NME9: variants seen among roughly 807,000 people sequenced by gnomAD.
NME9 encodes the protein thioredoxin domain-containing protein 6.
A neutral mutation model predicts 44.4 loss-of-function variants in NME9; 48 were observed. That is an observed-to-expected ratio of 1.08 (90% CI 0.86 to 1.37). The LOEUF is 1.37. Among genes scored for constraint, NME9 ranks in the 40% most tolerant of loss-of-function variants. The probability of loss-of-function intolerance (pLI) is 0.00; values close to 1 mark genes in which losing one functional copy is unlikely to be tolerated. For missense variants in NME9, 325 were observed against 405.2 expected, an observed-to-expected ratio of 0.80 and a Z score of 1.70; for synonymous variants, 139 against 147.1, an observed-to-expected ratio of 0.94 and a Z score of 0.40.
At chr3:138,263,384 C>G in intron 8 of NME9, 1 of 226,760 alleles carries the variant, frequency 4.4e-6, no homozygotes, top group Non-Finnish European at 8.8e-6. Flanking sequence ...GAACCTCACT[C>G]TGGAAGGAAC....
intron 8 of NME9, chr3:138,263,980 C>A: frequency 1.1e-6 from 1 of 930,922 alleles, no homozygotes; most frequent in Non-Finnish European, 1.7e-6. Context: ...GAGAGCCTGG[C>A]CTCCAAACCC....
At chr3:138,283,306 A>G (rs1343575615) in intron 8 of NME9, among the ~76,000 whole-genome samples, 1 of 152,208 alleles carries the variant, frequency 6.6e-6, no homozygotes, top group Non-Finnish European at 1.5e-5. Flanking sequence ...TTGCAAAGAA[A>G]AAGTTTAAAA....
chr3:138,320,291 C>A (rs915779925), intron 2 of NME9, among the ~76,000 whole-genome samples: 1 of 152,166 alleles, frequency 6.6e-6, no homozygotes, highest in African/African-American at 2.4e-5. Context: ...ACCTGCCCCA[C>A]GCGACCATGA....
chr3:138,318,017 T>C (rs2053204076), intron 4 of NME9, 131 bp downstream of exon 4: 1 of 674,542 alleles, frequency 1.5e-6, no homozygotes, highest in Non-Finnish European at 2.7e-6. Context: ...CATCACTTGT[T>C]TGAATCTGTG....
chr3:138,299,279 C>T (rs1475435664), downstream of NME9, among the ~76,000 whole-genome samples: 3 of 152,126 alleles, frequency 2.0e-5, no homozygotes, highest in Admixed American at 6.5e-5. Flanking sequence ...ATCTCTGCAG[C>T]CCCTGGCTCC....
chr3:138,282,285 G>T (rs1024819035), intron 8 of NME9, among the ~76,000 whole-genome samples: 5 of 152,150 alleles, frequency 3.3e-5, no homozygotes, highest in Non-Finnish European at 7.3e-5. Context: ...AAGGAATGTG[G>T]TATTGTGAGT....
intron 6 of NME9, among the ~76,000 whole-genome samples, chr3:138,307,019 G>A (rs2052322592): frequency 6.6e-6 from 1 of 152,096 alleles, no homozygotes. Flanking sequence ...TCCCTTTCCT[G>A]CCATGTGGCT....
At chr3:138,285,278 C>T (rs2108362231) in intron 8 of NME9, among the ~76,000 whole-genome samples, 1 of 152,318 alleles carries the variant, frequency 6.6e-6, no homozygotes, top group South Asian at 2.1e-4. Flanking sequence ...TTAGTGATGA[C>T]CTCAGCTTTT....
At chr3:138,316,926 C>T (rs960112151) in intron 4 of NME9, among the ~76,000 whole-genome samples, 1 of 152,156 alleles carries the variant, frequency 6.6e-6, no homozygotes, top group South Asian at 2.1e-4. Flanking sequence ...AAAGTCTCTA[C>T]GTTTGTACTC....
intron 2 of NME9, among the ~76,000 whole-genome samples, chr3:138,320,483 C>T (rs2053395767): frequency 6.6e-6 from 1 of 152,204 alleles, no homozygotes; most frequent in African/African-American, 2.4e-5. Flanking sequence ...AATTGATTAG[C>T]TCTGCCAATT....
intron 8 of NME9, among the ~76,000 whole-genome samples, chr3:138,280,477 CT>C (rs369199976): frequency 2.3e-3 from 336 of 148,818 alleles, no homozygotes; most frequent in Non-Finnish European, 3.6e-3. Flanking sequence ...ACCACCATGC[CT>C]GGTTACTTTC....
At chr3:138,275,670 G>A (rs1038312395) in intron 8 of NME9, among the ~76,000 whole-genome samples, 6 of 152,186 alleles carry the variant, frequency 3.9e-5, no homozygotes, top group Non-Finnish European at 7.3e-5. Context: ...TTCAGGGGCT[G>A]TGCTTCTCAT....
intron 1 of NME9, among the ~76,000 whole-genome samples, chr3:138,326,516 C>A (rs1190700731): frequency 6.6e-6 from 1 of 152,108 alleles, no homozygotes; most frequent in Non-Finnish European, 1.5e-5. Context: ...TCACTGCAAC[C>A]TCTGCCTCCT....
At chr3:138,264,331 C>T (rs1459693690) in intron 8 of NME9, 17 of 640,614 alleles carry the variant, frequency 2.7e-5, no homozygotes, top group Admixed American at 8.1e-5. Context: ...GCATTTTGAA[C>T]GTTTATCTCC....
intron 8 of NME9, among the ~76,000 whole-genome samples, chr3:138,265,859 A>G (rs2048230354): frequency 6.6e-6 from 1 of 152,160 alleles, no homozygotes; most frequent in Non-Finnish European, 1.5e-5. Context: ...GTGACAGAGT[A>G]TATGATTTAT....
chr3:138,324,879 G>C lies in NME9; in HGVS notation c.85C>G (p.Leu29Val). 6.2e-7 allele frequency: 1 copy of C among 1,611,788 alleles called. No individual in the cohort carries two copies. The change falls in exon 2 of 11, where the codon CTA (leucine) becomes GTA (valine). Residue 29 changes from leucine to valine, a missense_variant. Leu to Val is a conservative substitution (Grantham distance 32, BLOSUM62 1). Transcript: ENST00000333911. ...LWEEMLSSKG[L>V]TVVDVYQGWC... ...TTATTTTACTTTGAATTACCAGTTA[G>C]TCCTTTGGAACTGAGCATTTCCTCC...
chr3:138,306,313 AT>A, intron 7 of NME9, 84 bp downstream of exon 7: 1 of 1,035,258 alleles, frequency 9.7e-7, no homozygotes. Flanking sequence ...CTGCACTAAG[AT>A]ATCACTGCCC....
rs190685517 is a variant in NME9, at chr3:138,273,233, C to G, written c.746-10647G>C. 8 of 1,111,514 alleles carry G rather than the reference C, an allele frequency of 7.2e-6. 1 individual carries two copies. In the East Asian group the frequency reaches 1.3e-4, roughly 18 times the overall value. 68.9% of individuals were successfully genotyped at this position (1,111,514 alleles called of 1,614,324 possible). A position where few individuals can be genotyped will look rare whatever the true frequency, so the allele number is the denominator to read the frequency against. Reference sequence around the variant, plus strand: ...CCATGAGTGTGATTCAAATGCTGCCCCCTTCCAAAGAAACAAGGAGTTGAT... The same window carrying G: ...CCATGAGTGTGATTCAAATGCTGCCGCCTTCCAAAGAAACAAGGAGTTGAT... On this transcript the variant is annotated intron_variant, in intron 8 of 8. Coordinates refer to the NME9 transcript ENST00000317876.
At chr3:138,285,008 C>CTTCTGTCA (rs1461691568) in intron 8 of NME9, among the ~76,000 whole-genome samples, 1 of 152,256 alleles carries the variant, frequency 6.6e-6, no homozygotes, top group African/African-American at 2.4e-5. Flanking sequence ...AAAAGCCCTC[C>CTTCTGTCA]ACTTCTCATT....
Sources: allele counts gnomAD v4.1 joint callset (sites outside exome capture counted in the v4.1 genomes callset), GRCh38; gene constraint gnomAD v4.1.1; transcripts MANE v1.5; gene names NCBI Gene and HGNC (gene_info 2026-07-23, HGNC 2026-07-21).